Variants in SNX1 observed in about 807,000 individuals in gnomAD.
SNX1 encodes sorting nexin 1.
A neutral mutation model predicts 71.8 loss-of-function variants in SNX1; 36 were observed. The observed-to-expected ratio is 0.50, with a 90% CI of 0.38 to 0.66. The LOEUF (loss-of-function observed/expected upper bound fraction) is 0.66, where lower values mean the gene tolerates loss of function less well. SNX1 is among the 30% of genes least tolerant of loss of function. The pLI is 0.00. For missense variants in SNX1, 612 were observed against 646.7 expected (o/e 0.95, Z 0.58); for synonymous variants, 254 against 240.7 (o/e 1.06, Z -0.51).
chr15:64,127,276 C>T (rs377595187), intron 7 of SNX1, 24 bp downstream of exon 7: 2 of 1,577,880 alleles, frequency 1.3e-6, no homozygotes, highest in African/African-American at 1.4e-5. Flanking sequence ...AGCCATTTTC[C>T]TGAATAATGT....
At chr15:64,125,325 C>T (rs945899380) in intron 5 of SNX1, among the ~76,000 whole-genome samples, 3 of 151,974 alleles carry the variant, frequency 2.0e-5, no homozygotes, top group Non-Finnish European at 2.9e-5. Flanking sequence ...ATTAGCTGGG[C>T]CTGGTGGCAG....
At chr15:64,118,292 G>C (rs1327163780) in intron 3 of SNX1, 48 bp downstream of exon 3, 1 of 1,561,106 alleles carries the variant, frequency 6.4e-7, no homozygotes, top group Non-Finnish European at 8.7e-7. Flanking sequence ...ATTGAGGACT[G>C]TGTACGGCCA....
chr15:64,103,781 A>G (rs1355113002), intron 1 of SNX1, among the ~76,000 whole-genome samples: 1 of 152,210 alleles, frequency 6.6e-6, no homozygotes, highest in African/African-American at 2.4e-5. Context: ...CAAAGATATA[A>G]CACATCCTCA....
rs1280267366 is a variant in SNX1 at position 64,143,543 on chromosome 15, T to G, written c.*5925T>G. On this transcript the variant is annotated 3_prime_UTR_variant, in exon 15 of 15. Transcript: ENST00000559844. ...AAGGACCCAGCTCACCTTTCCCTCT[T>G]TATCTCCCAGTCCTTCCCAACAGCG... The G allele has an allele frequency of 6.6e-6, 1 of 152,208 alleles. No individual in the cohort carries two copies. The allele number at this position is 152,208 out of a possible 1,614,324, so 9.4% of individuals were successfully genotyped here.
At position 64,141,026 on chromosome 15, in the gene SNX1, T is replaced by TAGATAGATAGATA. The variant is rs71133411; in HGVS notation, c.*3408_*3409insAGATAGATAGATA. The TAGATAGATAGATA allele has an allele frequency of 2.4e-5, 2 of 83,730 alleles. No individual in the cohort carries two copies. The highest frequency in any genetic ancestry group is 9.8e-5 in the African/African-American group (2 of 20,484). 5.2% of individuals were successfully genotyped at this position (83,730 alleles called of 1,614,324 possible). A position where few individuals can be genotyped will look rare whatever the true frequency, so the allele number is the denominator to read the frequency against. On this transcript the variant is annotated 3_prime_UTR_variant, in exon 15 of 15. Transcript: ENST00000559844. The surrounding 1 kb of genome is among the most constrained non-coding windows in gnomAD (Gnocchi z 5.1). Reference sequence around the variant, plus strand: ...ATAGATAGATAGATAGATAGATAGATGATAGATATAGATAGATAGATAGAT... The same window carrying TAGATAGATAGATA: ...ATAGATAGATAGATAGATAGATAGATAGATAGATAGATAGATAGATATAGATAGATAGATAGAT...
chr15:64,105,062 C>G (rs959838717), intron 1 of SNX1, among the ~76,000 whole-genome samples: 1 of 152,042 alleles, frequency 6.6e-6, no homozygotes, highest in African/African-American at 2.4e-5. Flanking sequence ...TGGCGAACCC[C>G]TGTCTCTACT....
At chr15:64,117,349 A>G (rs8033686) in intron 2 of SNX1, among the ~76,000 whole-genome samples, 111,237 of 151,856 alleles carry the variant, frequency 0.73, 41,281 homozygotes, top group East Asian at 0.81. Flanking sequence ...CTGCCTCCCC[A>G]GTTCAAACAA....
intron 5 of SNX1, 119 bp from the exon 6 acceptor site, chr15:64,125,960 C>A: frequency 9.7e-7 from 1 of 1,029,130 alleles, no homozygotes; most frequent in Non-Finnish European, 1.5e-6. Context: ...AAGTTATTTG[C>A]CAGGTGACTG....
intron 1 of SNX1, among the ~76,000 whole-genome samples, chr15:64,104,085 CA>C (rs1405268338): frequency 2.0e-5 from 3 of 152,032 alleles, no homozygotes; most frequent in African/African-American, 7.2e-5. Flanking sequence ...TAGGTATATG[CA>C]AAGACTCATT....
rs1405042986 is a variant in SNX1, at chr15:64,140,478, CT to C, written c.*2861del. 6.6e-6 allele frequency: 1 copy of C among 152,182 alleles called. No homozygotes were observed. The highest frequency in any genetic ancestry group is 1.5e-5 in the Non-Finnish European group (1 of 68,028). 9.4% of individuals were successfully genotyped at this position (152,182 alleles called of 1,614,324 possible). A position where few individuals can be genotyped will look rare whatever the true frequency, so the allele number is the denominator to read the frequency against. On this transcript the variant is annotated 3_prime_UTR_variant, in exon 15 of 15. Transcript: ENST00000559844. ...TTCTGGCATAACAAGATGTTCCAGGCTCATCTTGAATGTTCCCTACCCTAGC... is the reference window on the plus strand; with the variant it reads ...TTCTGGCATAACAAGATGTTCCAGGCCATCTTGAATGTTCCCTACCCTAGC...
intron 2 of SNX1, among the ~76,000 whole-genome samples, chr15:64,116,486 A>G (rs548741398): frequency 2.0e-5 from 3 of 152,324 alleles, no homozygotes; most frequent in African/African-American, 7.2e-5. Flanking sequence ...TTTCATTTCT[A>G]ACAGTGTGGC....
intron 8 of SNX1, among the ~76,000 whole-genome samples, chr15:64,128,888 A>C (rs1320212555): frequency 6.6e-6 from 1 of 152,022 alleles, no homozygotes; most frequent in Non-Finnish European, 1.5e-5. Flanking sequence ...CCCCAGTTAT[A>C]ACAACCACAA....
chr15:64,131,769 A>C lies in SNX1; in HGVS notation c.1098A>C (p.Ala366=). Residue 366 remains alanine (A), a synonymous_variant, in exon 11 of 15, where the codon GCA becomes GCC. Transcript: ENST00000559844. ...AGGACAACACGGCATTGTCACGGGCACTCTCCCAGCTGGCTGAGGTGGAAG... is the reference window on the plus strand; with the variant it reads ...AGGACAACACGGCATTGTCACGGGCCCTCTCCCAGCTGGCTGAGGTGGAAG... ...SSEDNTALSR[A]LSQLAEVEEK... is the part of the protein sequence containing the mutation. The C allele has an allele frequency of 6.2e-7, 1 of 1,613,992 alleles. No homozygotes were observed. Among genetic ancestry groups the C allele is most frequent in the Non-Finnish European group, 8.5e-7 (1 of 1,179,996 alleles).
chr15:64,113,557 C>T (rs183642048), intron 2 of SNX1, among the ~76,000 whole-genome samples: 222 of 152,302 alleles, frequency 1.5e-3, no homozygotes, highest in Non-Finnish European at 2.4e-3. Context: ...CAGTGGCTCA[C>T]ACCCGTAATC....
chr15:64,102,761 C>CTTTTTTTTT (rs60616312), intron 1 of SNX1, among the ~76,000 whole-genome samples: 9 of 76,426 alleles, frequency 1.2e-4, no homozygotes, highest in Non-Finnish European at 1.8e-4. Context: ...ACCACGCCTT[C>CTTTTTTTTT]TTTTTTTTTT....
At chr15:64,112,514 G>A (rs2081086658) in intron 1 of SNX1, 59 bp from the exon 2 acceptor site, 1 of 1,201,510 alleles carries the variant, frequency 8.3e-7, no homozygotes, top group African/African-American at 1.5e-5. Flanking sequence ...TTGCTTTCTA[G>A]GCAAGTTGGG....
At chr15:64,114,916 A>G (rs551103771) in intron 2 of SNX1, among the ~76,000 whole-genome samples, 27 of 152,246 alleles carry the variant, frequency 1.8e-4, no homozygotes, top group African/African-American at 6.3e-4. Context: ...CCAAGGTGGG[A>G]AGATTCCTTG....
rs1405309598 is a variant in SNX1 at position 64,131,715 on chromosome 15, A to C, written c.1044A>C (p.Ala348=). The change falls in exon 11 of 15, where the codon GCA becomes GCC. Residue 348 remains alanine, a synonymous_variant. Coordinates refer to ENST00000559844, the MANE Select transcript of SNX1 (RefSeq NM_003099.5). ...KELALNTAQF[A]KSLAMLGSSE... is the part of the protein sequence containing the mutation. ...TAGCGCTGAACACAGCCCAGTTTGC[A>C]AAGAGTCTAGCCATGCTTGGGAGCT... The C allele has an allele frequency of 6.2e-7, 1 of 1,614,186 alleles. No individual in the cohort carries two copies. The highest frequency in any genetic ancestry group is 8.5e-7 in the Non-Finnish European group (1 of 1,180,046).
chr15:64,126,315 A>T, intron 6 of SNX1, 95 bp downstream of exon 6: 1 of 1,287,278 alleles, frequency 7.8e-7, no homozygotes, highest in Non-Finnish European at 1.1e-6. Flanking sequence ...ACTTCTATTA[A>T]CAGTCTTGTG....
Sources: allele counts gnomAD v4.1 joint callset (sites outside exome capture counted in the v4.1 genomes callset), GRCh38; gene constraint gnomAD v4.1.1; non-coding constraint Gnocchi (gnomAD v3.1); transcripts MANE v1.5; gene names NCBI Gene and HGNC (gene_info 2026-07-23, HGNC 2026-07-21).